Variants in PPP3R1 observed in about 807,000 individuals in gnomAD.
The protein encoded by PPP3R1 is protein phosphatase 3 regulatory subunit B, alpha.
In PPP3R1, 5 loss-of-function variants were observed where a neutral mutation model predicts 22.6. The ratio of observed to expected loss-of-function variants is 0.22; its 90% CI spans 0.12 to 0.46. The LOEUF (loss-of-function observed/expected upper bound fraction) is 0.46. Among genes scored for constraint, PPP3R1 ranks in the 20% least tolerant of loss-of-function variants. The pLI is 0.99. For missense variants in PPP3R1, 61 were observed against 203.2 expected (o/e 0.30, Z 4.25); for synonymous variants, 56 against 65.2 (o/e 0.86, Z 0.68).
chr2:68,200,875 T>G (rs1314819902), intron 2 of PPP3R1, among the ~76,000 whole-genome samples: 1 of 152,226 alleles, frequency 6.6e-6, no homozygotes, highest in Non-Finnish European at 1.5e-5. Context: ...AAGGCCTGTG[T>G]ATTATTGTTT....
At chr2:68,244,753 A>T (rs925691982) in intron 1 of PPP3R1, among the ~76,000 whole-genome samples, 2 of 152,092 alleles carry the variant, frequency 1.3e-5, no homozygotes, top group African/African-American at 4.8e-5. Context: ...TTCTTTCATA[A>T]ATGTCTCAAA....
At chr2:68,198,473 G>A (rs371585591) in intron 2 of PPP3R1, among the ~76,000 whole-genome samples, 14 of 148,494 alleles carry the variant, frequency 9.4e-5, no homozygotes, top group Admixed American at 6.1e-4. Context: ...GTATATATGC[G>A]TATGTATATA....
At chr2:68,181,773 T>TGC (rs776183751) in intron 5 of PPP3R1, among the ~76,000 whole-genome samples, 1 of 152,128 alleles carries the variant, frequency 6.6e-6, no homozygotes, top group Non-Finnish European at 1.5e-5. Context: ...CAATCAAATA[T>TGC]GCGTGTCACT....
intron 1 of PPP3R1, among the ~76,000 whole-genome samples, chr2:68,232,587 A>T (rs1432070834): frequency 6.6e-6 from 1 of 151,972 alleles, no homozygotes; most frequent in Non-Finnish European, 1.5e-5. Flanking sequence ...CTAATATTCT[A>T]TTACAGTGTT....
intron 1 of PPP3R1, among the ~76,000 whole-genome samples, chr2:68,236,194 T>C (rs1044209266): frequency 2.0e-5 from 3 of 152,318 alleles, no homozygotes; most frequent in African/African-American, 7.2e-5. Context: ...ATTTACCTTT[T>C]TTTTCTTTCA....
chr2:68,208,742 C>T (rs946598967), intron 2 of PPP3R1, among the ~76,000 whole-genome samples: 4 of 151,776 alleles, frequency 2.6e-5, no homozygotes, highest in Admixed American at 6.6e-5. Context: ...CGAGACCAGC[C>T]TGATCAACAT....
At chr2:68,229,459 T>TG (rs1669845999) in intron 1 of PPP3R1, among the ~76,000 whole-genome samples, 2 of 152,238 alleles carry the variant, frequency 1.3e-5, no homozygotes, top group Non-Finnish European at 2.9e-5. Flanking sequence ...TTTTCTTGCT[T>TG]GGTTACTCCA....
chr2:68,198,288 T>C (rs1015158383), intron 2 of PPP3R1, among the ~76,000 whole-genome samples: 12 of 139,756 alleles, frequency 8.6e-5, no homozygotes, highest in East Asian at 2.0e-4. Flanking sequence ...CATGTATGTG[T>C]ATACACATGT....
At chr2:68,220,466 T>G (rs1207527275) in intron 1 of PPP3R1, among the ~76,000 whole-genome samples, 4 of 152,310 alleles carry the variant, frequency 2.6e-5, no homozygotes, top group African/African-American at 7.2e-5. Context: ...GAGAAACTTG[T>G]AAATACACAG....
chr2:68,214,474 G>A (rs891969330), intron 2 of PPP3R1, among the ~76,000 whole-genome samples: 5 of 152,026 alleles, frequency 3.3e-5, no homozygotes, highest in Admixed American at 6.6e-5. Flanking sequence ...TAAAGGACAC[G>A]AACAGACACT....
intron 2 of PPP3R1, among the ~76,000 whole-genome samples, chr2:68,199,826 G>A (rs1674935498): frequency 1.3e-5 from 2 of 152,006 alleles, no homozygotes; most frequent in Admixed American, 6.5e-5. Flanking sequence ...ACACACCACC[G>A]AATTTGACTT....
At chr2:68,229,926 ATGTGTGTGTATGTGTGTATATATG>A (rs1467377084) in intron 1 of PPP3R1, among the ~76,000 whole-genome samples, 2 of 149,082 alleles carry the variant, frequency 1.3e-5, no homozygotes, top group African/African-American at 5.1e-5. Flanking sequence ...GTGTATATAT[ATGTGTGTGTATGTGTGTATATATG>A]TGTGTGTGTA....
chr2:68,251,657 G>C (rs1012639209), intron 1 of PPP3R1, among the ~76,000 whole-genome samples: 1 of 152,156 alleles, frequency 6.6e-6, no homozygotes, highest in African/African-American at 2.4e-5. Context: ...AGAGTAAGTG[G>C]GTCTTATGTA....
In PPP3R1 at chr2:68,201,608, G is replaced by A. The variant is rs1053886587; in HGVS notation, c.44-12918C>T. Among the ~76,000 whole-genome samples the A allele has an allele frequency of 5.3e-5, 8 of 152,270 alleles. No homozygotes were observed. The East Asian group carries it at 7.7e-4, about 15-fold the overall frequency. On this transcript the variant is annotated intron_variant, in intron 2 of 5. Coordinates refer to ENST00000234310, the MANE Select transcript of PPP3R1 (RefSeq NM_000945.4). ...CACTGGTGTGTTAGTTAGGAATTCC[G>A]TTTCTGGGGTCTCATTTCATCCTCT...
chr2:68,217,850 G>A (rs1669608801), intron 1 of PPP3R1, among the ~76,000 whole-genome samples: 1 of 152,028 alleles, frequency 6.6e-6, no homozygotes, highest in African/African-American at 2.4e-5. Flanking sequence ...GAAAAAAAGT[G>A]TTCTAGAAAA....
chr2:68,207,223 A>G (rs1349126540), intron 2 of PPP3R1, among the ~76,000 whole-genome samples: 1 of 18,706 alleles, frequency 5.3e-5, no homozygotes, highest in Non-Finnish European at 8.7e-5. Context: ...AAATATGATA[A>G]AAAAAAAAAA....
chr2:68,192,471 A>G (rs6729093), intron 2 of PPP3R1, among the ~76,000 whole-genome samples: 3,809 of 152,268 alleles, frequency 0.025, 146 homozygotes, highest in African/African-American at 0.084. Flanking sequence ...CAAACTATTT[A>G]TTAGTCAATT....
chr2:68,203,964 T>A lies in PPP3R1; in HGVS notation c.43+13128A>T, dbSNP rs550021384. Among the ~76,000 whole-genome samples the A allele has an allele frequency of 9.8e-5, 15 of 152,300 alleles. No individual in the cohort carries two copies. The South Asian group carries it at 3.1e-3, about 32-fold the overall frequency. Reference sequence around the variant, plus strand: ...ACATCTTTTTAGATAAAAGATTTAATCTTTCACCTACATTTAGTCTACAAA... The same window carrying A: ...ACATCTTTTTAGATAAAAGATTTAAACTTTCACCTACATTTAGTCTACAAA... On this transcript the variant is annotated intron_variant, in intron 2 of 5. Transcript: ENST00000234310.
chr2:68,189,732 G>A (rs942934300), intron 2 of PPP3R1, among the ~76,000 whole-genome samples: 1 of 152,008 alleles, frequency 6.6e-6, no homozygotes, highest in Admixed American at 6.6e-5. Flanking sequence ...AGCCGGGCAT[G>A]GTGGCACGCA....
Sources: allele counts gnomAD v4.1 joint callset (sites outside exome capture counted in the v4.1 genomes callset), GRCh38; gene constraint gnomAD v4.1.1; transcripts MANE v1.5; gene names NCBI Gene and HGNC (gene_info 2026-07-23, HGNC 2026-07-21).